KLC1: variants seen among roughly 807,000 people sequenced by gnomAD.
KLC1 encodes kinesin 2 60/70kDa.
Under a neutral mutation model 84.2 loss-of-function variants are expected in KLC1, and 30 were observed. That is an observed-to-expected ratio of 0.36 (90% confidence interval 0.27 to 0.48). The LOEUF is 0.48. Ranked by LOEUF, KLC1 falls within the 20% of genes least tolerant of loss-of-function variation. The probability of loss-of-function intolerance (pLI) is 0.99; values close to 1 mark genes in which losing one functional copy is unlikely to be tolerated. For missense variants in KLC1, 499 were observed against 805.4 expected, an observed-to-expected ratio of 0.62 and a Z score of 4.60; for synonymous variants, 289 against 293.3, an observed-to-expected ratio of 0.99 and a Z score of 0.15.
Position 103,685,170 on chromosome 14 carries a change from G to A in KLC1, c.1651-1911G>A, listed in dbSNP as rs1490141794. 5 of 1,454,310 alleles carry A rather than the reference G, an allele frequency of 3.4e-6. No individual in the cohort carries two copies. The African/African-American group carries it at 5.7e-5, about 17-fold the overall frequency. The allele number at this position is 1,454,310 out of a possible 1,614,324, so 90.1% of individuals were successfully genotyped here. A position where few individuals can be genotyped will look rare whatever the true frequency, so the allele number is the denominator to read the frequency against. The stretch of plus-strand genomic sequence containing the variant: ...TTTTCTTTTGGATTATCAACTGCAT[G>A]TTTAAAATGGGCTGTAGACTTTTAA... On this transcript the variant is annotated intron_variant, in intron 13 of 16. Transcript: ENST00000334553.
chr14:103,680,713 C>T (rs551698378), intron 13 of KLC1, among the ~76,000 whole-genome samples: 7 of 152,176 alleles, frequency 4.6e-5, no homozygotes, highest in African/African-American at 1.7e-4. Context: ...GCCTCCCTGT[C>T]GCCCGCATCC....
chr14:103,688,370 C>T (rs140106805), intron 14 of KLC1, among the ~76,000 whole-genome samples: 2,792 of 152,246 alleles, frequency 0.018, 76 homozygotes, highest in African/African-American at 0.059. Flanking sequence ...AGGCTGGTCT[C>T]GAACTCCTGA....
intron 15 of KLC1, chr14:103,696,718 C>G (rs775982304): frequency 3.0e-6 from 3 of 985,434 alleles, no homozygotes; most frequent in Non-Finnish European, 2.4e-6. Flanking sequence ...AGTTCCCCAA[C>G]TCTGTGGGGA....
intron 1 of KLC1, among the ~76,000 whole-genome samples, chr14:103,637,282 A>G (rs530758456): frequency 6.6e-6 from 1 of 152,212 alleles, no homozygotes; most frequent in East Asian, 1.9e-4. Flanking sequence ...CTATAATCCC[A>G]GCACTTTCGG....
At chr14:103,642,588 G>T (rs1208334026) in intron 1 of KLC1, among the ~76,000 whole-genome samples, 1 of 151,954 alleles carries the variant, frequency 6.6e-6, no homozygotes, top group Non-Finnish European at 1.5e-5. Flanking sequence ...CTAGGGCTGG[G>T]GCAGGGAAAA....
Position 103,699,089 on chromosome 14 carries a change from CT to C in KLC1, c.1849-1565del, listed in dbSNP as rs45565335. ...CGCCCACTTCGGCCCAGCTGTGCCC[CT>C]GGCACCTGCACAGAGGTGCACACAC... is the stretch of plus-strand genomic sequence containing the variant. On this transcript the variant is annotated intron_variant, in intron 15 of 16. Coordinates refer to ENST00000334553, the MANE Select transcript of KLC1 (RefSeq NM_001394837.1). 12 of 1,565,446 alleles carry C rather than the reference CT, an allele frequency of 7.7e-6. No individual in the cohort carries two copies. The Admixed American group carries it at 9.3e-5, about 12-fold the overall frequency.
At chr14:103,675,788 C>A (rs1387121250) in intron 11 of KLC1, 32 bp downstream of exon 11, 1 of 1,589,760 alleles carries the variant, frequency 6.3e-7, no homozygotes, top group Non-Finnish European at 8.6e-7. Context: ...GCTGGAAAAA[C>A]CAAAAAGCAG....
In KLC1 at chr14:103,694,901, T is replaced by C. The variant is rs1357900635; in HGVS notation, c.1848+2476T>C. 2.0e-6 allele frequency: 2 copies of C among 985,372 alleles called. No individual in the cohort carries two copies. The highest frequency in any genetic ancestry group is 3.5e-5 in the African/African-American group (2 of 57,256). 61.0% of individuals were successfully genotyped at this position (985,372 alleles called of 1,614,324 possible). On this transcript the variant is annotated intron_variant, in intron 15 of 16. Coordinates refer to ENST00000334553, the MANE Select transcript of KLC1 (RefSeq NM_001394837.1). The surrounding 1 kb of genome is among the most constrained non-coding windows in gnomAD (Gnocchi z 4.5). ...CCTCATGTCGCAGGACTGCTGTGTTTGTGAAAGCGCGTTTGTTTCCACAAG... is the reference window on the plus strand; with the variant it reads ...CCTCATGTCGCAGGACTGCTGTGTTCGTGAAAGCGCGTTTGTTTCCACAAG...
intron 6 of KLC1, 140 bp from the exon 7 acceptor site, chr14:103,670,042 A>G (rs1263908511): frequency 5.0e-6 from 3 of 604,892 alleles, no homozygotes; most frequent in African/African-American, 1.8e-5. Context: ...TGCGCTTTTC[A>G]TTTTAACTGA....
In KLC1 at chr14:103,693,717, G is replaced by C. The variant is rs2082253465; in HGVS notation, c.1848+1292G>C. The stretch of plus-strand genomic sequence containing the variant: ...CCCGGAGGCGCCAGCCGCACTCCTT[G>C]GCTTCCTTTCCTAGATAGTGACGTC... On this transcript the variant is annotated intron_variant, in intron 15 of 16. Transcript: ENST00000334553. The surrounding 1 kb of genome is among the most constrained non-coding windows in gnomAD (Gnocchi z 5.1). The C allele has an allele frequency of 6.7e-7, 1 of 1,488,556 alleles. No individual in the cohort carries two copies. Among genetic ancestry groups the C allele is most frequent in the Non-Finnish European group, 8.9e-7 (1 of 1,123,140 alleles). 92.2% of individuals were successfully genotyped at this position (1,488,556 alleles called of 1,614,324 possible). A position where few individuals can be genotyped will look rare whatever the true frequency, so the allele number is the denominator to read the frequency against.
intron 7 of KLC1, 58 bp downstream of exon 7, chr14:103,670,341 T>TC: frequency 2.2e-6 from 2 of 895,708 alleles, no homozygotes; most frequent in Non-Finnish European, 3.2e-6. Flanking sequence ...TGTGTGTGGT[T>TC]TTTTTTTTTT....
chr14:103,671,975 G>A (rs1018264257), intron 7 of KLC1, among the ~76,000 whole-genome samples: 5 of 152,148 alleles, frequency 3.3e-5, no homozygotes, highest in African/African-American at 1.2e-4. Flanking sequence ...TTCATTTAGA[G>A]CCCCCTGCTT....
chr14:103,653,338 T>G (rs568262293), intron 1 of KLC1, among the ~76,000 whole-genome samples: 1 of 152,226 alleles, frequency 6.6e-6, no homozygotes, highest in African/African-American at 2.4e-5. Context: ...TATTTATTTA[T>G]TTAGGCAGAG....
intron 5 of KLC1, among the ~76,000 whole-genome samples, chr14:103,664,819 CT>C (rs34967823): frequency 0.3 from 30,401 of 101,978 alleles, 3,391 homozygotes; most frequent in Middle Eastern, 0.41. Context: ...TTGGCCAAGG[CT>C]TTTTTTTTTT....
chr14:103,645,523 G>A (rs993171089), intron 1 of KLC1, among the ~76,000 whole-genome samples: 28 of 152,154 alleles, frequency 1.8e-4, no homozygotes, highest in African/African-American at 6.5e-4. Context: ...CGTTGAGGAT[G>A]TGTTTTGAGG....
At chr14:103,631,363 AGC>A (rs542548311) in intron 1 of KLC1, among the ~76,000 whole-genome samples, 52 of 152,236 alleles carry the variant, frequency 3.4e-4, no homozygotes, top group African/African-American at 1.3e-3. Flanking sequence ...TACAGGCGTG[AGC>A]CACCGCACCT....
chr14:103,650,625 C>G (rs1249247473), intron 1 of KLC1, among the ~76,000 whole-genome samples: 1 of 147,016 alleles, frequency 6.8e-6, no homozygotes, highest in Non-Finnish European at 1.5e-5. Context: ...CTTGCCCAGG[C>G]TGGAGTGCAG....
In KLC1 at chr14:103,692,434, C is replaced by T; in HGVS notation, c.1848+9C>T. The T allele has an allele frequency of 6.5e-7, 1 of 1,536,322 alleles. No individual in the cohort carries two copies. The highest frequency in any genetic ancestry group is 8.7e-7 in the Non-Finnish European group (1 of 1,146,760). Reference sequence around the variant, plus strand: ...CTGAAGATCGCTTTCAAGTAAGGAGCCTACCCCGAATTGTGTCCTAGGCTG... The same window carrying T: ...CTGAAGATCGCTTTCAAGTAAGGAGTCTACCCCGAATTGTGTCCTAGGCTG... On this transcript the variant is annotated intron_variant, in intron 15 of 16. Coordinates refer to ENST00000334553, the MANE Select transcript of KLC1 (RefSeq NM_001394837.1).
At chr14:103,696,279 G>GT (rs1187545298) in intron 15 of KLC1, 1 of 985,334 alleles carries the variant, frequency 1.0e-6, no homozygotes, top group Non-Finnish European at 1.2e-6. Context: ...GCAGCAGTGT[G>GT]TGGCTCAGGG....
Sources: allele counts gnomAD v4.1 joint callset (sites outside exome capture counted in the v4.1 genomes callset), GRCh38; gene constraint gnomAD v4.1.1; non-coding constraint Gnocchi (gnomAD v3.1); transcripts MANE v1.5; gene names NCBI Gene and HGNC (gene_info 2026-07-23, HGNC 2026-07-21).